Variants in CHRM1 observed in about 807,000 individuals in gnomAD.
CHRM1 encodes the protein muscarinic acetylcholine receptor M1.
Under a neutral mutation model 31.6 loss-of-function variants are expected in CHRM1, and 5 were observed. The ratio of observed to expected loss-of-function variants is 0.16; its 90% CI spans 0.08 to 0.33. The LOEUF (loss-of-function observed/expected upper bound fraction) is 0.33. CHRM1 is among the 10% of genes least tolerant of loss of function. CHRM1 has a pLI of 1.00. For missense variants in CHRM1, 338 were observed against 610.3 expected (o/e 0.55, Z 4.70); for synonymous variants, 227 against 249.7 (o/e 0.91, Z 0.86).
chr11:62,909,220 C>A lies in CHRM1; in HGVS notation c.*498G>T. The A allele has an allele frequency of 5.9e-6, 1 of 168,160 alleles. No individual in the cohort carries two copies. Among genetic ancestry groups the A allele is most frequent in the Admixed American group, 5.5e-5 (1 of 18,222 alleles). 10.4% of individuals were successfully genotyped at this position (168,160 alleles called of 1,614,324 possible). On this transcript the variant is annotated 3_prime_UTR_variant, in exon 2 of 2. Transcript: ENST00000306960. Reference sequence around the variant, plus strand: ...AGAGTATGCCTAGGGCCCAGGTGGGCGGGCTCTGCCTATGAAGCGAGGGGA... The same window carrying A: ...AGAGTATGCCTAGGGCCCAGGTGGGAGGGCTCTGCCTATGAAGCGAGGGGA...
At chr11:62,918,541 C>T (rs1291536265) in intron 1 of CHRM1, among the ~76,000 whole-genome samples, 1 of 152,186 alleles carries the variant, frequency 6.6e-6, no homozygotes, top group African/African-American at 2.4e-5. Flanking sequence ...AGGAGAAAAA[C>T]AGCCAAGAGC....
chr11:62,921,859 G>A (rs549131256), upstream of CHRM1: 1 of 152,064 alleles, frequency 6.6e-6, no homozygotes, highest in Non-Finnish European at 1.5e-5. Flanking sequence ...TCCCTGCTGT[G>A]AGAGAGCTAG....
intron 1 of CHRM1, among the ~76,000 whole-genome samples, chr11:62,913,116 A>G (rs2085880900): frequency 1.3e-5 from 2 of 152,336 alleles, no homozygotes; most frequent in African/African-American, 4.8e-5. Flanking sequence ...CTCTGGAGCC[A>G]GACTATCTGG....
At chr11:62,919,258 G>A (rs1443006237) in intron 1 of CHRM1, among the ~76,000 whole-genome samples, 4 of 152,164 alleles carry the variant, frequency 2.6e-5, no homozygotes, top group African/African-American at 7.2e-5. Context: ...GAGAATGAGG[G>A]AGTAAACAGA....
intron 1 of CHRM1, among the ~76,000 whole-genome samples, chr11:62,916,295 C>T (rs1379969221): frequency 6.6e-6 from 1 of 152,198 alleles, no homozygotes; most frequent in Non-Finnish European, 1.5e-5. Flanking sequence ...TCTCAAGGTG[C>T]TGAACAGAAA....
At chr11:62,917,424 GC>G (rs776040476) in intron 1 of CHRM1, among the ~76,000 whole-genome samples, 66 of 152,336 alleles carry the variant, frequency 4.3e-4, no homozygotes, top group Admixed American at 1.2e-3. Context: ...AATGGGGATT[GC>G]AGTGGGCAGC....
Position 62,910,400 on chromosome 11 carries a change from C to A in CHRM1, c.701G>T (p.Gly234Val), listed in dbSNP as rs1337079123. The A allele has an allele frequency of 1.2e-6, 2 of 1,611,808 alleles. No individual in the cohort carries two copies. The highest frequency in any genetic ancestry group is 1.1e-5 in the South Asian group (1 of 91,092). ...CTCTGAGCTGCTGCTGCTGCCACCCCCTTTGCCTGGCGTCTCGGAGCCCTG... is the reference window on the plus strand; with the variant it reads ...CTCTGAGCTGCTGCTGCTGCCACCCACTTTGCCTGGCGTCTCGGAGCCCTG... ...ALQGSETPGK[G>V]GGSSSSSERS... Residue 234 changes from glycine to valine, a missense_variant, in exon 2 of 2, where the codon GGG becomes GTG. Around this residue, in one of 4 missense-constraint regions of CHRM1, gnomAD observed 183 missense variants for 223.4 expected, o/e 0.82. Coordinates refer to ENST00000306960, the MANE Select transcript of CHRM1 (RefSeq NM_000738.3). This position sits in a 1 kb window ranked among gnomAD's most constrained non-coding sequence, Gnocchi z 8.7.
intron 1 of CHRM1, among the ~76,000 whole-genome samples, chr11:62,919,358 A>C (rs1167999642): frequency 6.6e-6 from 1 of 152,172 alleles, no homozygotes; most frequent in African/African-American, 2.4e-5. Flanking sequence ...ATGCTACATG[A>C]AACACACTGC....
At chr11:62,918,657 G>A (rs1334475553) in intron 1 of CHRM1, among the ~76,000 whole-genome samples, 1 of 152,240 alleles carries the variant, frequency 6.6e-6, no homozygotes, top group Non-Finnish European at 1.5e-5. Flanking sequence ...TTTGTCACTG[G>A]GGAGAGGAGA....
intron 1 of CHRM1, among the ~76,000 whole-genome samples, chr11:62,912,934 G>C (rs2085879601): frequency 6.6e-6 from 1 of 152,222 alleles, no homozygotes; most frequent in Admixed American, 6.5e-5. Flanking sequence ...AGGTGGCCTG[G>C]GTGGTTTGTG....
At chr11:62,911,320 G>A in intron 1 of CHRM1, 142 bp from the exon 2 acceptor site, 1 of 570,010 alleles carries the variant, frequency 1.8e-6, no homozygotes, top group Non-Finnish European at 3.1e-6. Context: ...GCCCACTCAT[G>A]GTCATTTATC....
intron 1 of CHRM1, among the ~76,000 whole-genome samples, chr11:62,913,698 T>C (rs529167895): frequency 6.7e-6 from 1 of 148,742 alleles, no homozygotes; most frequent in South Asian, 2.1e-4. Context: ...AGAAAAGAAA[T>C]GTCTGATACT....
rs769154420 is a variant in CHRM1, at chr11:62,909,812, C to G, written c.1289G>C (p.Arg430Pro). The change falls in exon 2 of 2, where the codon CGC becomes CCC. Residue 430 changes from arginine (R) to proline (P), a missense_variant. Coordinates refer to ENST00000306960, the MANE Select transcript of CHRM1 (RefSeq NM_000738.3). ...LCNKAFRDTFRLLLLCRWDKR... is the reference protein window; with the variant it reads ...LCNKAFRDTFPLLLLCRWDKR... Reference sequence around the variant, plus strand: ...GTCCCAGCGGCAAAGCAGCAGCAGGCGAAAGGTGTCCCGGAAGGCTTTGTT... The same window carrying G: ...GTCCCAGCGGCAAAGCAGCAGCAGGGGAAAGGTGTCCCGGAAGGCTTTGTT... The G allele has an allele frequency of 6.2e-7, 1 of 1,614,238 alleles. No individual in the cohort carries two copies.
At position 62,909,449 on chromosome 11, in the gene CHRM1, C is replaced by A; in HGVS notation, c.*269G>T. On this transcript the variant is annotated 3_prime_UTR_variant, in exon 2 of 2. Coordinates refer to ENST00000306960, the MANE Select transcript of CHRM1 (RefSeq NM_000738.3). ...CAAACAAGGAGTCCAAAGCCCGGAT[C>A]CTCCTCCCGGGCCTTCTTCCTGGTG... The A allele has an allele frequency of 2.0e-6, 1 of 502,020 alleles. No homozygotes were observed. Among genetic ancestry groups the A allele is most frequent in the Non-Finnish European group, 3.5e-6 (1 of 282,384 alleles). 31.1% of individuals were successfully genotyped at this position (502,020 alleles called of 1,614,324 possible).
chr11:62,913,377 A>T (rs1341210808), intron 1 of CHRM1, among the ~76,000 whole-genome samples: 1 of 152,298 alleles, frequency 6.6e-6, no homozygotes, highest in Non-Finnish European at 1.5e-5. Flanking sequence ...CTGCCTAGAA[A>T]TGTCTACCTC....
chr11:62,920,419 T>C (rs1478430675), intron 1 of CHRM1, among the ~76,000 whole-genome samples: 1 of 152,212 alleles, frequency 6.6e-6, no homozygotes, highest in African/African-American at 2.4e-5. Flanking sequence ...CATCCCCATG[T>C]TGTGCAGTCT....
At chr11:62,913,552 C>T (rs1003738888) in intron 1 of CHRM1, among the ~76,000 whole-genome samples, 59 of 152,034 alleles carry the variant, frequency 3.9e-4, no homozygotes, top group African/African-American at 1.4e-3. Context: ...ATGGCTGTAA[C>T]CCTAGCTACT....
At position 62,909,281 on chromosome 11, in the gene CHRM1, C is replaced by T. The variant is rs527557687; in HGVS notation, c.*437G>A. 58 of 175,600 alleles carry T rather than the reference C, an allele frequency of 3.3e-4. 1 individual carries two copies. Among genetic ancestry groups the T allele is most frequent in the East Asian group, 3.0e-3 (19 of 6,422 alleles). 10.9% of individuals were successfully genotyped at this position (175,600 alleles called of 1,614,324 possible). A position where few individuals can be genotyped will look rare whatever the true frequency, so the allele number is the denominator to read the frequency against. The stretch of plus-strand genomic sequence containing the variant: ...CCCTGTCATCTGGCTTTTCTCCCAG[C>T]GGCCAGTTCAGTTTCTGGCTGTGCC... On this transcript the variant is annotated 3_prime_UTR_variant, in exon 2 of 2. Transcript: ENST00000306960.
rs1376249946 is a variant in CHRM1 at position 62,911,068 on chromosome 11, G to A, written c.33C>T (p.Pro11=). The A allele has an allele frequency of 1.2e-6, 2 of 1,614,004 alleles. No homozygotes were observed. The highest frequency in any genetic ancestry group is 2.7e-5 in the African/African-American group (2 of 74,906). MNTSAPPAVS[P]NITVLAPGKG... Reference sequence around the variant, plus strand: ...TTCCTGGTGCCAGGACGGTGATGTTGGGGCTGACAGCAGGTGGGGCTGAAG... The same window carrying A: ...TTCCTGGTGCCAGGACGGTGATGTTAGGGCTGACAGCAGGTGGGGCTGAAG... The change falls in exon 2 of 2, where the codon CCC becomes CCT. Residue 11 remains proline, a synonymous_variant. Transcript: ENST00000306960.
Sources: gnomAD v4.1 joint callset for allele counts (sites outside exome capture counted in the v4.1 genomes callset) on GRCh38, gnomAD v4.1.1 for gene constraint, gnomAD v4.1.1 regional missense constraint, Gnocchi (gnomAD v3.1) non-coding constraint, MANE v1.5 for transcripts, NCBI Gene and HGNC (gene_info 2026-07-23, HGNC 2026-07-21) for gene names.